The following TTC28 variants were observed in gnomAD, a reference collection of about 807,000 sequenced individuals.
TTC28 encodes the protein tetratricopeptide repeat domain 28.
TTC28 carries 61 observed loss-of-function variants against 198.0 expected under a neutral mutation model. That is an observed-to-expected ratio of 0.31 (90% CI 0.25 to 0.38). The LOEUF (loss-of-function observed/expected upper bound fraction) is 0.38, where lower values mean the gene tolerates loss of function less well. Ranked by LOEUF, TTC28 falls within the 10% of genes least tolerant of loss-of-function variation. TTC28 has a pLI of 1.00. For missense variants in TTC28, 2,678 were observed against 3,164.0 expected, an observed-to-expected ratio of 0.85 and a Z score of 3.69; for synonymous variants, 1,171 against 1,297.8, an observed-to-expected ratio of 0.90 and a Z score of 2.10.
intron 2 of TTC28, among the ~76,000 whole-genome samples, chr22:28,526,117 A>G (rs1471713935): frequency 6.6e-6 from 1 of 152,200 alleles, no homozygotes; most frequent in Non-Finnish European, 1.5e-5. Flanking sequence ...TTGCAATCAA[A>G]TACTAGCTCT....
chr22:28,591,319 C>T (rs533869749), intron 2 of TTC28, among the ~76,000 whole-genome samples: 1 of 151,052 alleles, frequency 6.6e-6, no homozygotes, highest in African/African-American at 2.4e-5. Flanking sequence ...TGCTATGTTC[C>T]CCAGGCTGAA....
chr22:28,255,488 C>T lies in TTC28; in HGVS notation c.933+40710G>A, dbSNP rs1569224371. On this transcript the variant is annotated intron_variant, in intron 5 of 22. Coordinates refer to ENST00000397906, the MANE Select transcript of TTC28 (RefSeq NM_001145418.2). ...CCTGAGGTCAGGAGTTCAAGACCAG[C>T]CTGACCAACGTGGTAAAACCCTGTC... Among the ~76,000 whole-genome samples the T allele has an allele frequency of 2.0e-5, 3 of 152,032 alleles. No homozygotes were observed. In the South Asian group the frequency reaches 6.2e-4, roughly 32 times the overall value.
chr22:28,559,771 ATTC>A (rs1250949772), intron 2 of TTC28, among the ~76,000 whole-genome samples: 3 of 152,128 alleles, frequency 2.0e-5, no homozygotes, highest in African/African-American at 7.2e-5. Flanking sequence ...CTTTGCTGAT[ATTC>A]CCATCTTTTC....
intron 5 of TTC28, among the ~76,000 whole-genome samples, chr22:28,182,131 C>T (rs1923757558): frequency 6.6e-6 from 1 of 152,176 alleles, no homozygotes; most frequent in South Asian, 2.1e-4. Context: ...CTCAGTCCCA[C>T]CTACATTTTC....
At chr22:28,443,402 C>T (rs368019458) in intron 2 of TTC28, among the ~76,000 whole-genome samples, 46 of 152,204 alleles carry the variant, frequency 3.0e-4, no homozygotes, top group Non-Finnish European at 6.3e-4. Context: ...GGGTGTATTT[C>T]TCGTTTGTAA....
At chr22:28,055,563 C>G (rs1316282483) in intron 12 of TTC28, among the ~76,000 whole-genome samples, 1 of 152,066 alleles carries the variant, frequency 6.6e-6, no homozygotes, top group Non-Finnish European at 1.5e-5. Flanking sequence ...AAGGGCTGTG[C>G]TAGGAATCTC....
intron 2 of TTC28, among the ~76,000 whole-genome samples, chr22:28,600,323 T>C (rs947214676): frequency 6.6e-6 from 1 of 152,042 alleles, no homozygotes; most frequent in Non-Finnish European, 1.5e-5. Context: ...GGGGGTTGCT[T>C]GAGCCCAGGA....
At chr22:28,601,796 A>G (rs2050642924) in intron 2 of TTC28, among the ~76,000 whole-genome samples, 2 of 151,592 alleles carry the variant, frequency 1.3e-5, no homozygotes, top group Non-Finnish European at 2.9e-5. Flanking sequence ...ACACACACAC[A>G]CACACACACA....
chr22:28,553,657 G>A (rs1199781750), intron 2 of TTC28, among the ~76,000 whole-genome samples: 3 of 152,038 alleles, frequency 2.0e-5, no homozygotes, highest in African/African-American at 4.8e-5. Context: ...AGGGAGGTGG[G>A]GGTCAGCCCC....
intron 2 of TTC28, among the ~76,000 whole-genome samples, chr22:28,318,272 T>A (rs1009396779): frequency 6.6e-6 from 1 of 152,052 alleles, no homozygotes; most frequent in Non-Finnish European, 1.5e-5. Flanking sequence ...TGTGAGAGAA[T>A]GTTAAGAAAA....
At chr22:28,653,631 G>A (rs1050856130) in intron 1 of TTC28, among the ~76,000 whole-genome samples, 5 of 151,904 alleles carry the variant, frequency 3.3e-5, no homozygotes, top group Admixed American at 2.6e-4. Context: ...TCTCTCATTT[G>A]TTCTTCTAGA....
intron 2 of TTC28, among the ~76,000 whole-genome samples, chr22:28,351,998 C>T (rs1312653262): frequency 4.6e-5 from 7 of 152,060 alleles, no homozygotes; most frequent in Non-Finnish European, 1.0e-4. Context: ...GCTGTGTGTT[C>T]GTTTCTAGAT....
At chr22:28,087,721 C>A (rs113547449) in intron 12 of TTC28, among the ~76,000 whole-genome samples, 1 of 152,162 alleles carries the variant, frequency 6.6e-6, no homozygotes, top group East Asian at 1.9e-4. Context: ...GAAGTCAAAT[C>A]GTCCCTGTTT....
chr22:27,988,483 T>C (rs1432421270), intron 21 of TTC28, among the ~76,000 whole-genome samples: 1 of 151,826 alleles, frequency 6.6e-6, no homozygotes, highest in African/African-American at 2.4e-5. Flanking sequence ...AGACGGGGTT[T>C]CTCCACGTTG....
rs1054863643 is a variant in TTC28 at position 28,372,520 on chromosome 22, CAT to C, written c.382-65879_382-65878del. Among the ~76,000 whole-genome samples, 49 of 114,012 alleles carry C rather than the reference CAT, an allele frequency of 4.3e-4. 2 individuals carry two copies. Among genetic ancestry groups the C allele is most frequent in the Admixed American group, 1.1e-4 (1 of 9,012 alleles). The allele number at this position is 114,012 out of a possible 152,430, so 74.8% of individuals were successfully genotyped here. A position where few individuals can be genotyped will look rare whatever the true frequency, so the allele number is the denominator to read the frequency against. On this transcript the variant is annotated intron_variant, in intron 2 of 22. Transcript: ENST00000397906. ...TTTCCCTCCGCACCTCCCTATTGTT[CAT>C]AGTTTATCCTTTTTTTTTTTTTTTT...
chr22:28,650,964 T>C (rs1248931606), intron 1 of TTC28, among the ~76,000 whole-genome samples: 2 of 152,228 alleles, frequency 1.3e-5, no homozygotes, highest in Non-Finnish European at 2.9e-5. Context: ...TGCCTGTTTT[T>C]GGAAATACAG....
chr22:28,596,321 A>G (rs1343772609), intron 2 of TTC28, among the ~76,000 whole-genome samples: 1 of 152,174 alleles, frequency 6.6e-6, no homozygotes, highest in Non-Finnish European at 1.5e-5. Context: ...GTGGTAAAAG[A>G]TGATTATCAC....
intron 12 of TTC28, among the ~76,000 whole-genome samples, chr22:28,069,051 G>A (rs1432391081): frequency 6.6e-6 from 1 of 152,180 alleles, no homozygotes; most frequent in Non-Finnish European, 1.5e-5. Context: ...CCAAAAGGAA[G>A]TTTCCAGAAG....
intron 2 of TTC28, among the ~76,000 whole-genome samples, chr22:28,594,437 G>A (rs181085683): frequency 6.6e-6 from 1 of 151,956 alleles, no homozygotes; most frequent in South Asian, 2.1e-4. Context: ...GGGAAAAACT[G>A]CCATAAATTG....
Sources: gnomAD v4.1 joint callset for allele counts (sites outside exome capture counted in the v4.1 genomes callset) on GRCh38, gnomAD v4.1.1 for gene constraint, MANE v1.5 for transcripts, NCBI Gene and HGNC (gene_info 2026-07-23, HGNC 2026-07-21) for gene names.